CDS1: variants seen among roughly 807,000 people sequenced by gnomAD.
CDS1 encodes phosphatidate cytidylyltransferase 1.
Under a neutral mutation model 62.1 loss-of-function variants are expected in CDS1, and 41 were observed. That is an observed-to-expected ratio of 0.66 (90% CI 0.51 to 0.86). The LOEUF (loss-of-function observed/expected upper bound fraction) is 0.86. CDS1 is among the 40% of genes least tolerant of loss of function. The pLI is 0.00. For missense variants in CDS1, 470 were observed against 550.1 expected (o/e 0.85, Z 1.46); for synonymous variants, 185 against 192.6 (o/e 0.96, Z 0.32).
intron 2 of CDS1, among the ~76,000 whole-genome samples, chr4:84,607,435 T>G: frequency 2.4e-5 from 1 of 40,924 alleles, no homozygotes; most frequent in Admixed American, 2.7e-4. Flanking sequence ...CTCCCCCCAC[T>G]CCCCCCGCCC....
At chr4:84,605,204 A>G (rs949097895) in intron 2 of CDS1, among the ~76,000 whole-genome samples, 1 of 152,230 alleles carries the variant, frequency 6.6e-6, no homozygotes, top group African/African-American at 2.4e-5. Flanking sequence ...AATACATTGT[A>G]TACCACATTC....
Position 84,604,262 on chromosome 4 carries a change from G to T in CDS1, c.137G>T (p.Arg46Ile), listed in dbSNP as rs769616565. Residue 46 changes from arginine (R) to isoleucine (I), a missense_variant, in exon 2 of 13, where the codon AGA becomes ATA. Coordinates refer to ENST00000295887, the MANE Select transcript of CDS1 (RefSeq NM_001263.4). ...TSDKETDIDDRYGDLDSRTDS... is the reference protein window; with the variant it reads ...TSDKETDIDDIYGDLDSRTDS... ...TTTTAGGAAACAGATATTGATGACA[G>T]ATATGGAGATTTGGATTCCAGAACA... 2.8e-5 allele frequency: 45 copies of T among 1,612,106 alleles called. No homozygotes were observed. The highest frequency in any genetic ancestry group is 5.9e-6 in the Non-Finnish European group (7 of 1,179,136).
At chr4:84,599,401 CACACAT>C (rs1272547551) in intron 1 of CDS1, among the ~76,000 whole-genome samples, 385 of 23,632 alleles carry the variant, frequency 0.016, 1 homozygote, top group East Asian at 0.042. Flanking sequence ...TTGACACACA[CACACAT>C]ATATATATAT....
intron 6 of CDS1, 127 bp downstream of exon 6, chr4:84,632,004 G>A: frequency 1.7e-6 from 1 of 583,512 alleles, no homozygotes; most frequent in Non-Finnish European, 3.1e-6. Flanking sequence ...GGGATACTTG[G>A]ATTTCAGATG....
chr4:84,632,628 A>G (rs939846222), intron 6 of CDS1, among the ~76,000 whole-genome samples: 4 of 152,170 alleles, frequency 2.6e-5, no homozygotes, highest in African/African-American at 9.7e-5. Context: ...ATTCTTAGTG[A>G]ATTTTATATA....
At chr4:84,647,045 G>A (rs1036565524) in intron 12 of CDS1, among the ~76,000 whole-genome samples, 10 of 151,998 alleles carry the variant, frequency 6.6e-5, no homozygotes, top group Admixed American at 1.3e-4. Flanking sequence ...GCCTTAAAGC[G>A]TACTGTGTTG....
At chr4:84,593,526 A>G (rs983721167) in intron 1 of CDS1, among the ~76,000 whole-genome samples, 2 of 151,096 alleles carry the variant, frequency 1.3e-5, no homozygotes, top group South Asian at 4.2e-4. Context: ...TCTCGTTTAG[A>G]TAGAGTCTTG....
intron 11 of CDS1, among the ~76,000 whole-genome samples, chr4:84,643,915 G>A (rs1278800749): frequency 1.3e-5 from 2 of 152,182 alleles, no homozygotes; most frequent in Admixed American, 6.5e-5. Flanking sequence ...GGGGTGGTCA[G>A]GGAAAGCCTT....
intron 2 of CDS1, among the ~76,000 whole-genome samples, chr4:84,607,725 GTC>G (rs1723173942): frequency 1.3e-5 from 2 of 151,870 alleles, no homozygotes; most frequent in Admixed American, 6.6e-5. Flanking sequence ...GTAAGACCCT[GTC>G]TCTATTTTTT....
chr4:84,610,062 T>C (rs1723270403), intron 3 of CDS1, among the ~76,000 whole-genome samples: 1 of 152,028 alleles, frequency 6.6e-6, no homozygotes, highest in South Asian at 2.1e-4. Context: ...AACATATGAC[T>C]ATTAGCTAGA....
intron 3 of CDS1, among the ~76,000 whole-genome samples, chr4:84,615,806 G>A (rs576493012): frequency 5.5e-4 from 83 of 152,284 alleles, no homozygotes; most frequent in African/African-American, 1.9e-3. Context: ...TCCTATGAGT[G>A]TACATTGCTA....
At chr4:84,609,258 C>T (rs1050100899) in intron 2 of CDS1, among the ~76,000 whole-genome samples, 171 bp from the exon 3 acceptor site, 1 of 151,272 alleles carries the variant, frequency 6.6e-6, no homozygotes, top group African/African-American at 2.4e-5. Context: ...TAATTTATCT[C>T]CCAGTGTGTG....
At chr4:84,588,979 C>T (rs1210042362) in intron 1 of CDS1, among the ~76,000 whole-genome samples, 1 of 152,126 alleles carries the variant, frequency 6.6e-6, no homozygotes, top group Admixed American at 6.5e-5. Context: ...TAAATTCTTC[C>T]AAAGTTAGCT....
chr4:84,586,746 A>G (rs1201450795), intron 1 of CDS1, among the ~76,000 whole-genome samples: 1 of 152,208 alleles, frequency 6.6e-6, no homozygotes, highest in East Asian at 1.9e-4. Flanking sequence ...TAGAACGTGG[A>G]GTTTAGCAAA....
chr4:84,645,271 AT>A lies in CDS1; in HGVS notation c.1204del (p.Cys402ValfsTer4). On this transcript the variant is annotated frameshift_variant, in exon 12 of 13. Transcript: ENST00000295887. LOFTEE classifies it high-confidence loss of function. ...PGHGGIMDRF[D>X]CQYLMATFVH... ...CATGGTGGGATAATGGACAGATTTG[AT>A]TGTCAGTATTTGATGGCAACTTTTG... The A allele has an allele frequency of 6.2e-7, 1 of 1,613,130 alleles. No individual in the cohort carries two copies. Among genetic ancestry groups the A allele is most frequent in the Non-Finnish European group, 8.5e-7 (1 of 1,179,256 alleles).
chr4:84,603,089 T>G (rs935140619), intron 1 of CDS1, among the ~76,000 whole-genome samples: 2 of 152,324 alleles, frequency 1.3e-5, no homozygotes, highest in Non-Finnish European at 2.9e-5. Context: ...TTATTTGAAT[T>G]TACTAAGTCC....
At chr4:84,619,646 T>G in intron 5 of CDS1, 113 bp downstream of exon 5, 1 of 594,664 alleles carries the variant, frequency 1.7e-6, no homozygotes, top group Non-Finnish European at 2.7e-6. Flanking sequence ...CCAGCCTCTC[T>G]TTTTCATTGT....
At chr4:84,631,930 T>G in intron 6 of CDS1, 53 bp downstream of exon 6, 2 of 1,196,526 alleles carry the variant, frequency 1.7e-6, no homozygotes, top group Non-Finnish European at 2.4e-6. Context: ...AACCCTTAAC[T>G]TTTTTTTTTC....
chr4:84,585,320 T>A (rs905984558), intron 1 of CDS1, among the ~76,000 whole-genome samples: 1 of 152,236 alleles, frequency 6.6e-6, no homozygotes, highest in Non-Finnish European at 1.5e-5. Flanking sequence ...TTGTCAAGAT[T>A]TCTTAGACAA....
Sources: allele counts gnomAD v4.1 joint callset (sites outside exome capture counted in the v4.1 genomes callset), GRCh38; gene constraint gnomAD v4.1.1; transcripts MANE v1.5; gene names NCBI Gene and HGNC (gene_info 2026-07-23, HGNC 2026-07-21).